MAN1A1: variants seen among roughly 807,000 people sequenced by gnomAD.
The protein encoded by MAN1A1 is mannosidase alpha class 1A member 1, also known as mannosyl-oligosaccharide 1,2-alpha-mannosidase IA.
A neutral mutation model predicts 70.8 loss-of-function variants in MAN1A1; 29 were observed. The ratio of observed to expected loss-of-function variants is 0.41; its 90% CI spans 0.31 to 0.56. The LOEUF (loss-of-function observed/expected upper bound fraction) is 0.56. Among genes scored for constraint, MAN1A1 ranks in the 20% least tolerant of loss-of-function variants. MAN1A1 has a pLI of 0.29. For synonymous variants in MAN1A1, 349 were observed against 330.1 expected (o/e 1.06, Z -0.62); for missense variants, 747 against 841.3 (o/e 0.89, Z 1.39).
chr6:119,186,610 A>G (rs1361144021), intron 11 of MAN1A1, among the ~76,000 whole-genome samples: 1 of 152,200 alleles, frequency 6.6e-6, no homozygotes, highest in Admixed American at 6.5e-5. Context: ...ACTCCCCAGC[A>G]CTTCCCAGAC....
chr6:119,182,447 T>C (rs1773177778), intron 11 of MAN1A1, among the ~76,000 whole-genome samples: 2 of 152,130 alleles, frequency 1.3e-5, no homozygotes. Context: ...TCAAGGAGCT[T>C]TTCCCCTGTT....
chr6:119,224,066 T>G (rs1366741082), intron 6 of MAN1A1, among the ~76,000 whole-genome samples: 2 of 152,144 alleles, frequency 1.3e-5, no homozygotes, highest in Non-Finnish European at 2.9e-5. Context: ...AGCTGAAAGA[T>G]CAGGGTGGAA....
At chr6:119,188,932 G>C (rs893775475) in intron 10 of MAN1A1, among the ~76,000 whole-genome samples, 1 of 152,030 alleles carries the variant, frequency 6.6e-6, no homozygotes, top group African/African-American at 2.4e-5. Context: ...TCCATTTTTT[G>C]GGAACATTTC....
chr6:119,329,697 TTC>T (rs1773255606), intron 2 of MAN1A1, among the ~76,000 whole-genome samples: 1 of 152,184 alleles, frequency 6.6e-6, no homozygotes, highest in Non-Finnish European at 1.5e-5. Flanking sequence ...CCAGCAAGTA[TTC>T]TGTTTCTTTA....
intron 5 of MAN1A1, among the ~76,000 whole-genome samples, chr6:119,287,244 T>C (rs1447973927): frequency 1.3e-5 from 2 of 152,122 alleles, no homozygotes; most frequent in African/African-American, 4.8e-5. Context: ...CTATGCCAAC[T>C]TGACACTTTT....
In MAN1A1 at chr6:119,204,902, G is replaced by T. The variant is rs757850586; in HGVS notation, c.993-20C>A. Reference sequence around the variant, plus strand: ...ATACCACTAAAGAAGAGATGACGTCGAAGAGTTATGGGTCAGATTAACTCC... The same window carrying T: ...ATACCACTAAAGAAGAGATGACGTCTAAGAGTTATGGGTCAGATTAACTCC... On this transcript the variant is annotated intron_variant, in intron 6 of 12. Transcript: ENST00000368468. 1.4e-5 allele frequency: 22 copies of T among 1,612,262 alleles called. No homozygotes were observed. The highest frequency in any genetic ancestry group is 4.2e-6 in the Non-Finnish European group (5 of 1,179,458).
At chr6:119,227,836 T>G (rs1442728701) in intron 6 of MAN1A1, among the ~76,000 whole-genome samples, 1 of 152,180 alleles carries the variant, frequency 6.6e-6, no homozygotes, top group Non-Finnish European at 1.5e-5. Flanking sequence ...AGTGATTATT[T>G]TTTCCCATGA....
intron 10 of MAN1A1, among the ~76,000 whole-genome samples, chr6:119,189,084 T>A (rs1296209506): frequency 6.6e-6 from 1 of 152,208 alleles, no homozygotes; most frequent in Admixed American, 6.5e-5. Context: ...AACAATTTAG[T>A]CATTGAAAAG....
chr6:119,260,976 G>GTTTTTTT (rs61169300), intron 5 of MAN1A1, among the ~76,000 whole-genome samples: 40 of 116,920 alleles, frequency 3.4e-4, no homozygotes, highest in South Asian at 7.8e-4. Context: ...TTTTTTTATT[G>GTTTTTTT]TTTTTTTTTT....
rs561047461 is a variant in MAN1A1 at position 119,347,890 on chromosome 6, G to A, written c.603+573C>T. On this transcript the variant is annotated intron_variant, in intron 2 of 12. Transcript: ENST00000368468. Reference sequence around the variant, plus strand: ...TGGCTGTGCATTAGAAATACAAGAGGCAGCCGACTGGCTTTTTATATTTTC... The same window carrying A: ...TGGCTGTGCATTAGAAATACAAGAGACAGCCGACTGGCTTTTTATATTTTC... 3.3e-5 allele frequency among the ~76,000 whole-genome samples: 5 copies of A among 152,338 alleles called. No homozygotes were observed. In the South Asian group the frequency reaches 1.0e-3, roughly 32 times the overall value.
At chr6:119,217,010 C>T (rs115053005) in intron 6 of MAN1A1, among the ~76,000 whole-genome samples, 203 of 152,270 alleles carry the variant, frequency 1.3e-3, no homozygotes, top group African/African-American at 4.6e-3. Flanking sequence ...ATGGATAGGT[C>T]TCCAGGATAA....
At chr6:119,253,178 GA>G in intron 5 of MAN1A1, among the ~76,000 whole-genome samples, 1 of 152,238 alleles carries the variant, frequency 6.6e-6, no homozygotes, top group East Asian at 1.9e-4. Flanking sequence ...GATGGACCGA[GA>G]AGAACCTCCA....
At chr6:119,343,655 G>C (rs1773654465) in intron 2 of MAN1A1, among the ~76,000 whole-genome samples, 6 of 152,084 alleles carry the variant, frequency 3.9e-5, no homozygotes, top group Admixed American at 3.9e-4. Context: ...CTCAAAGAGG[G>C]AATCTCTTCC....
At chr6:119,350,395 A>G (rs114530860), upstream of MAN1A1, 611 of 291,156 alleles carry the variant, frequency 2.1e-3, 4 homozygotes, top group African/African-American at 0.013. Context: ...ACATCCTTTT[A>G]CATCCTAAGA....
At chr6:119,271,808 C>A (rs1045876926) in intron 5 of MAN1A1, among the ~76,000 whole-genome samples, 2 of 151,982 alleles carry the variant, frequency 1.3e-5, no homozygotes, top group African/African-American at 4.8e-5. Flanking sequence ...CCAGCCAACC[C>A]CCGGTTTACA....
At chr6:119,275,689 G>A (rs1430646179) in intron 5 of MAN1A1, among the ~76,000 whole-genome samples, 2 of 152,092 alleles carry the variant, frequency 1.3e-5, no homozygotes, top group South Asian at 2.1e-4. Context: ...TGATTCGCTC[G>A]CCTTGGCCTC....
At chr6:119,260,294 G>GTAACATC (rs1482953045) in intron 5 of MAN1A1, among the ~76,000 whole-genome samples, 1 of 152,158 alleles carries the variant, frequency 6.6e-6, no homozygotes, top group Non-Finnish European at 1.5e-5. Flanking sequence ...ATACATTTCT[G>GTAACATC]TAACATCTTT....
chr6:119,183,679 AGAG>A (rs1773212341), intron 11 of MAN1A1, among the ~76,000 whole-genome samples: 2 of 152,110 alleles, frequency 1.3e-5, no homozygotes, highest in Admixed American at 1.3e-4. Flanking sequence ...TTCTTTTGTT[AGAG>A]GAGTTGCTTT....
chr6:119,336,391 C>T (rs1211560644), intron 2 of MAN1A1, among the ~76,000 whole-genome samples: 1 of 152,126 alleles, frequency 6.6e-6, no homozygotes, highest in African/African-American at 2.4e-5. Context: ...TTAACATGCC[C>T]TCCAGGTGAT....
Sources: allele counts gnomAD v4.1 joint callset (sites outside exome capture counted in the v4.1 genomes callset), GRCh38; gene constraint gnomAD v4.1.1; transcripts MANE v1.5; gene names NCBI Gene and HGNC (gene_info 2026-07-23, HGNC 2026-07-21).